AIG1: variants seen among roughly 807,000 people sequenced by gnomAD.
The protein encoded by AIG1 is androgen induced 1.
Under a neutral mutation model 31.4 loss-of-function variants are expected in AIG1, and 23 were observed. The ratio of observed to expected loss-of-function variants is 0.73; its 90% confidence interval spans 0.53 to 1.04. The LOEUF (loss-of-function observed/expected upper bound fraction) is 1.04. AIG1 is among the 50% of genes least tolerant of loss of function. The pLI is 0.00. For missense variants in AIG1, 274 were observed against 295.0 expected (o/e 0.93, Z 0.52); for synonymous variants, 100 against 110.5 (o/e 0.90, Z 0.60).
At chr6:143,084,609 G>A (rs1319483315) in intron 1 of AIG1, among the ~76,000 whole-genome samples, 1 of 152,120 alleles carries the variant, frequency 6.6e-6, no homozygotes, top group African/African-American at 2.4e-5. Context: ...TTTTTCTAAT[G>A]TCTGCAGCTG....
intron 2 of AIG1, among the ~76,000 whole-genome samples, chr6:143,148,337 CAAAAAAA>C (rs527337431): frequency 0.04 from 1,861 of 46,384 alleles, 11 homozygotes; most frequent in Non-Finnish European, 0.051. Context: ...CCCATCTCTA[CAAAAAAA>C]AAAAAAAAAA....
rs141886249 is a variant in AIG1 at position 143,277,804 on chromosome 6, A to C, written c.400-6306A>C. ...TGGGAGTAGTACCCTCCTATTAAAA[A>C]ATATTTTGGAGAGAAGGAGAAAGAC... On this transcript the variant is annotated intron_variant, in intron 3 of 5. Coordinates refer to ENST00000357847, the MANE Select transcript of AIG1 (RefSeq NM_016108.4). 9.5e-3 allele frequency among the ~76,000 whole-genome samples: 1,451 copies of C among 152,338 alleles called. 16 individuals carry two copies. Among genetic ancestry groups the C allele is most frequent in the Non-Finnish European group, 0.015 (1,049 of 68,034 alleles).
intron 1 of AIG1, among the ~76,000 whole-genome samples, chr6:143,079,403 A>G (rs1209665041): frequency 6.6e-6 from 1 of 152,176 alleles, no homozygotes; most frequent in Non-Finnish European, 1.5e-5. Flanking sequence ...GTAAAAATCC[A>G]CAAACTGTAC....
Position 143,109,800 on chromosome 6 carries a change from G to T in AIG1, c.142-27035G>T, listed in dbSNP as rs150957150. 8.6e-3 allele frequency among the ~76,000 whole-genome samples: 1,312 copies of T among 152,214 alleles called. 14 individuals are homozygous for T. The highest frequency in any genetic ancestry group is 0.023 in the African/African-American group (961 of 41,538). On this transcript the variant is annotated intron_variant, in intron 1 of 5. Transcript: ENST00000357847. ...TTTGTTCATTTTCAGTTATATACATGACAAATATATTTTCTTTCTTTATGG... is the reference window on the plus strand; with the variant it reads ...TTTGTTCATTTTCAGTTATATACATTACAAATATATTTTCTTTCTTTATGG...
rs1405181774 is a variant in AIG1, at chr6:143,331,863, T to TATC, written c.516-1417_516-1416insCAT. On this transcript the variant is annotated intron_variant, in intron 4 of 5. Transcript: ENST00000357847. This position sits in a 1 kb window ranked among gnomAD's most constrained non-coding sequence, Gnocchi z 4.1. ...AGGTAATGTTTATTATTATTATTAT[T>TATC]ATTATTATTATTATTATTATTATTT... Among the ~76,000 whole-genome samples the TATC allele has an allele frequency of 6.8e-6, 1 of 146,992 alleles. No individual in the cohort carries two copies. The highest frequency in any genetic ancestry group is 1.5e-5 in the Non-Finnish European group (1 of 67,020).
At chr6:143,230,095 A>T (rs1793332506) in intron 3 of AIG1, among the ~76,000 whole-genome samples, 1 of 152,162 alleles carries the variant, frequency 6.6e-6, no homozygotes, top group Non-Finnish European at 1.5e-5. Context: ...TAGCAACCCG[A>T]TTAGGTTTAA....
chr6:143,183,031 G>T (rs778206732), intron 3 of AIG1, among the ~76,000 whole-genome samples: 1 of 152,176 alleles, frequency 6.6e-6, no homozygotes, highest in Non-Finnish European at 1.5e-5. Flanking sequence ...ATATTATATT[G>T]CCATTTTTGC....
intron 3 of AIG1, among the ~76,000 whole-genome samples, chr6:143,242,520 C>G (rs540306627): frequency 3.3e-5 from 5 of 152,160 alleles, no homozygotes; most frequent in Non-Finnish European, 7.3e-5. Context: ...ATCACATGAC[C>G]ATAATCTCAC....
At chr6:143,300,816 A>AT (rs1214736717) in intron 4 of AIG1, among the ~76,000 whole-genome samples, 1 of 152,194 alleles carries the variant, frequency 6.6e-6, no homozygotes, top group East Asian at 1.9e-4. Flanking sequence ...CTTTGAATGA[A>AT]TTTTCCATGA....
Position 143,333,970 on chromosome 6 carries a change from A to T in AIG1, c.679+525A>T. ...TTGACTCACCAGTGGCTGTCACGGA[A>T]AGTCTGAAAGTGGCAAAGAGCTACA... On this transcript the variant is annotated intron_variant, in intron 5 of 5. Coordinates refer to ENST00000357847, the MANE Select transcript of AIG1 (RefSeq NM_016108.4). The surrounding 1 kb of genome is among the most constrained non-coding windows in gnomAD (Gnocchi z 4.6). 3 of 1,222,242 alleles carry T rather than the reference A, an allele frequency of 2.5e-6. No individual in the cohort carries two copies. Among genetic ancestry groups the T allele is most frequent in the Non-Finnish European group, 2.3e-6 (2 of 861,608 alleles). The allele number at this position is 1,222,242 out of a possible 1,614,324, so 75.7% of individuals were successfully genotyped here. A position where few individuals can be genotyped will look rare whatever the true frequency, so the allele number is the denominator to read the frequency against.
chr6:143,231,301 A>G (rs138289263), intron 3 of AIG1, among the ~76,000 whole-genome samples: 1 of 152,364 alleles, frequency 6.6e-6, no homozygotes, highest in Non-Finnish European at 1.5e-5. Flanking sequence ...TAATGCCGAA[A>G]TAGTGGAGGA....
chr6:143,274,075 AC>A (rs1796725656), intron 3 of AIG1, among the ~76,000 whole-genome samples: 1 of 152,124 alleles, frequency 6.6e-6, no homozygotes, highest in Admixed American at 6.5e-5. Flanking sequence ...ATAAAGACTG[AC>A]CTGTTGTCCC....
rs1777295449 is a variant in AIG1, at chr6:143,334,067, A to G, written c.679+622A>G. On this transcript the variant is annotated intron_variant, in intron 5 of 5. Transcript: ENST00000357847. The surrounding 1 kb of genome is among the most constrained non-coding windows in gnomAD (Gnocchi z 5.1). The stretch of plus-strand genomic sequence containing the variant: ...GTGATTTGATTTCTCTTTTGTTTCC[A>G]TTTATGGCAGAGCCTCCATCTTGGC... 1.3e-6 allele frequency: 2 copies of G among 1,550,444 alleles called. No individual in the cohort carries two copies. The highest frequency in any genetic ancestry group is 1.4e-5 in the African/African-American group (1 of 73,170).
intron 1 of AIG1, among the ~76,000 whole-genome samples, chr6:143,130,754 A>G (rs529392080): frequency 1.3e-5 from 2 of 152,272 alleles, no homozygotes; most frequent in South Asian, 4.1e-4. Flanking sequence ...TCAGGGGTAC[A>G]TGTGCAAATT....
rs201270422 is a variant in AIG1 at position 143,218,742 on chromosome 6, CG to C, written c.399+53560del. On this transcript the variant is annotated intron_variant, in intron 3 of 5. Coordinates refer to ENST00000357847, the MANE Select transcript of AIG1 (RefSeq NM_016108.4). Reference sequence around the variant, plus strand: ...TTGGCAAAAAGGTAAAAATGAAGGACGCTTCATTCATTCTCAACATTTTGAA... The same window carrying C: ...TTGGCAAAAAGGTAAAAATGAAGGACCTTCATTCATTCTCAACATTTTGAA... Among the ~76,000 whole-genome samples the C allele has an allele frequency of 3.9e-3, 589 of 152,272 alleles. 4 individuals are homozygous for C. The highest frequency in any genetic ancestry group is 0.013 in the African/African-American group (552 of 41,544).
intron 2 of AIG1, among the ~76,000 whole-genome samples, chr6:143,162,897 G>A (rs1167510485): frequency 2.0e-5 from 3 of 152,112 alleles, no homozygotes; most frequent in Admixed American, 6.5e-5. Context: ...GAAAGGAAGA[G>A]GTGCATGCTC....
In AIG1 at chr6:143,111,017, G is replaced by A. The variant is rs142989961; in HGVS notation, c.142-25818G>A. Among the ~76,000 whole-genome samples the A allele has an allele frequency of 1.5e-3, 227 of 152,152 alleles. 1 individual carries two copies. In the Middle Eastern group the frequency reaches 0.024, roughly 16 times the overall value. On this transcript the variant is annotated intron_variant, in intron 1 of 5. Coordinates refer to ENST00000357847, the MANE Select transcript of AIG1 (RefSeq NM_016108.4). Reference sequence around the variant, plus strand: ...ATTAAATGATTAAAATATTATCAAGGTAATTGATGGTTTAGATTTACCACC... The same window carrying A: ...ATTAAATGATTAAAATATTATCAAGATAATTGATGGTTTAGATTTACCACC...
intron 3 of AIG1, among the ~76,000 whole-genome samples, chr6:143,178,238 C>A (rs1414493559): frequency 6.6e-6 from 1 of 152,120 alleles, no homozygotes; most frequent in Non-Finnish European, 1.5e-5. Flanking sequence ...GACTCTGCAT[C>A]CCTCTGGGTG....
At chr6:143,180,972 A>T (rs1287861905) in intron 3 of AIG1, among the ~76,000 whole-genome samples, 3 of 152,178 alleles carry the variant, frequency 2.0e-5, no homozygotes, top group Non-Finnish European at 4.4e-5. Context: ...TGCCACTTGG[A>T]TGATCATTGG....
Sources: allele counts gnomAD v4.1 joint callset (sites outside exome capture counted in the v4.1 genomes callset), GRCh38; gene constraint gnomAD v4.1.1; non-coding constraint Gnocchi (gnomAD v3.1); transcripts MANE v1.5; gene names NCBI Gene and HGNC (gene_info 2026-07-23, HGNC 2026-07-21).